EDIL3: variants seen among roughly 807,000 people sequenced by gnomAD.
The protein encoded by EDIL3 is EGF like and discoidin domains 3, also known as EGF-like repeat and discoidin I-like domain-containing protein 3.
A neutral mutation model predicts 67.4 loss-of-function variants in EDIL3; 37 were observed. That is an observed-to-expected ratio of 0.55 (90% CI 0.42 to 0.72). The LOEUF (loss-of-function observed/expected upper bound fraction) is 0.72. Among genes scored for constraint, EDIL3 ranks in the 30% least tolerant of loss-of-function variants. The pLI, the probability that EDIL3 is intolerant of heterozygous loss-of-function variation, is 0.00. For missense variants in EDIL3, 527 were observed against 586.3 expected (o/e 0.90, Z 1.04); for synonymous variants, 195 against 196.3 (o/e 0.99, Z 0.05).
At chr5:84,215,714 A>G (rs953477527) in intron 3 of EDIL3, among the ~76,000 whole-genome samples, 1 of 152,310 alleles carries the variant, frequency 6.6e-6, no homozygotes, top group African/African-American at 2.4e-5. Flanking sequence ...AGTCATGCAG[A>G]CACATGCAAG....
intron 1 of EDIL3, among the ~76,000 whole-genome samples, chr5:84,327,630 A>T (rs1388534044): frequency 6.6e-6 from 1 of 152,026 alleles, no homozygotes; most frequent in East Asian, 1.9e-4. Flanking sequence ...GAGAACAATT[A>T]AAGTTGTGTA....
At chr5:84,051,509 C>G (rs902127996) in intron 9 of EDIL3, among the ~76,000 whole-genome samples, 2 of 152,170 alleles carry the variant, frequency 1.3e-5, no homozygotes, top group African/African-American at 4.8e-5. Flanking sequence ...TCAAACTTCT[C>G]CGAACTAAAG....
intron 9 of EDIL3, among the ~76,000 whole-genome samples, chr5:83,995,371 A>G (rs1745221677): frequency 6.6e-6 from 1 of 152,140 alleles, no homozygotes; most frequent in African/African-American, 2.4e-5. Flanking sequence ...TTATTCCACG[A>G]GGGTCACTTC....
intron 1 of EDIL3, among the ~76,000 whole-genome samples, chr5:84,304,552 A>T (rs776114537): frequency 1.4e-4 from 22 of 152,224 alleles, no homozygotes; most frequent in Non-Finnish European, 1.9e-4. Context: ...AAAAAGTTCT[A>T]GTTCTATGCA....
chr5:84,222,311 C>A (rs1231766154), intron 3 of EDIL3, among the ~76,000 whole-genome samples: 1 of 151,798 alleles, frequency 6.6e-6, no homozygotes, highest in Non-Finnish European at 1.5e-5. Flanking sequence ...CTATTATTAA[C>A]CTTTGTATAT....
chr5:84,089,427 C>G (rs1397271677), intron 6 of EDIL3, among the ~76,000 whole-genome samples: 1 of 152,196 alleles, frequency 6.6e-6, no homozygotes. Flanking sequence ...TTTATTTCAA[C>G]AGCTGCCAGT....
intron 6 of EDIL3, among the ~76,000 whole-genome samples, chr5:84,105,095 T>A (rs1747435011): frequency 6.6e-6 from 1 of 152,114 alleles, no homozygotes; most frequent in South Asian, 2.1e-4. Flanking sequence ...ATTAAAAATG[T>A]CTCTGGAATG....
At chr5:84,239,973 A>G (rs1279278578) in intron 2 of EDIL3, among the ~76,000 whole-genome samples, 1 of 152,188 alleles carries the variant, frequency 6.6e-6, no homozygotes, top group African/African-American at 2.4e-5. Flanking sequence ...ATGTCAACTG[A>G]CATTTCTAGT....
At chr5:84,342,014 T>G (rs1747126994) in intron 1 of EDIL3, among the ~76,000 whole-genome samples, 1 of 152,024 alleles carries the variant, frequency 6.6e-6, no homozygotes, top group South Asian at 2.1e-4. Flanking sequence ...TGGGTATCTA[T>G]GCAAAGGAAA....
chr5:84,155,461 A>T (rs1748474028), intron 4 of EDIL3, among the ~76,000 whole-genome samples: 1 of 152,070 alleles, frequency 6.6e-6, no homozygotes, highest in African/African-American at 2.4e-5. Context: ...TTGTGTTGGT[A>T]TGCATTAATT....
At chr5:84,028,521 T>A (rs1745858230) in intron 9 of EDIL3, among the ~76,000 whole-genome samples, 1 of 152,024 alleles carries the variant, frequency 6.6e-6, no homozygotes, top group Admixed American at 6.6e-5. Flanking sequence ...TTTCAAAAAA[T>A]TTACTTTATC....
chr5:84,308,044 G>C, intron 1 of EDIL3, among the ~76,000 whole-genome samples: 1 of 152,226 alleles, frequency 6.6e-6, no homozygotes, highest in South Asian at 2.1e-4. Flanking sequence ...CTGCCCAACA[G>C]TATAAAGAAA....
At chr5:83,991,843 TA>T (rs1262191504) in intron 9 of EDIL3, among the ~76,000 whole-genome samples, 1 of 152,154 alleles carries the variant, frequency 6.6e-6, no homozygotes, top group Non-Finnish European at 1.5e-5. Context: ...CCTATCTCCC[TA>T]AAGCTCCCCT....
At chr5:84,337,839 A>T (rs1246270438) in intron 1 of EDIL3, among the ~76,000 whole-genome samples, 2 of 152,140 alleles carry the variant, frequency 1.3e-5, no homozygotes, top group Non-Finnish European at 1.5e-5. Context: ...AAGAAATCAT[A>T]ATCATATGCA....
chr5:83,995,094 A>G (rs187219625), intron 9 of EDIL3, among the ~76,000 whole-genome samples: 1 of 152,170 alleles, frequency 6.6e-6, no homozygotes, highest in Admixed American at 6.6e-5. Flanking sequence ...TTAAGAATTC[A>G]GTGACACTTG....
intron 2 of EDIL3, among the ~76,000 whole-genome samples, chr5:84,242,114 C>T (rs1452649950): frequency 6.6e-6 from 1 of 150,866 alleles, no homozygotes; most frequent in Non-Finnish European, 1.5e-5. Flanking sequence ...CGCCTGTAGT[C>T]CCAGCTACTC....
At position 84,044,020 on chromosome 5, in the gene EDIL3, C is replaced by T. The variant is rs550808275; in HGVS notation, c.1137+16280G>A. Among the ~76,000 whole-genome samples the T allele has an allele frequency of 1.1e-4, 16 of 152,228 alleles. No homozygotes were observed. In the South Asian group the frequency reaches 2.5e-3, roughly 24 times the overall value. ...CCCGTCATCTAGGTTTTAAGCCCCA[C>T]ATGTGTTAGGTATTTGTCCTAATGC... is the stretch of plus-strand genomic sequence containing the variant. On this transcript the variant is annotated intron_variant, in intron 9 of 10. Coordinates refer to ENST00000296591, the MANE Select transcript of EDIL3 (RefSeq NM_005711.5).
chr5:84,246,756 A>T (rs1450459087), intron 2 of EDIL3, among the ~76,000 whole-genome samples: 1 of 152,154 alleles, frequency 6.6e-6, no homozygotes, highest in Non-Finnish European at 1.5e-5. Context: ...TCTTTCTGAA[A>T]GTTAACATAT....
intron 7 of EDIL3, among the ~76,000 whole-genome samples, chr5:84,066,058 T>G (rs1203763710): frequency 6.9e-6 from 1 of 145,430 alleles, no homozygotes; most frequent in Non-Finnish European, 1.5e-5. Context: ...GAGTTTATAG[T>G]GAGCCGAGAT....
Sources: allele counts gnomAD v4.1 joint callset (sites outside exome capture counted in the v4.1 genomes callset), GRCh38; gene constraint gnomAD v4.1.1; transcripts MANE v1.5; gene names NCBI Gene and HGNC (gene_info 2026-07-23, HGNC 2026-07-21).